The following FRMPD4 variants were observed in gnomAD, a reference collection of about 807,000 sequenced individuals.
The protein encoded by FRMPD4 is FERM and PDZ domain containing 4.
FRMPD4 carries 22 observed loss-of-function variants against 94.1 expected under a neutral mutation model. The ratio of observed to expected loss-of-function variants is 0.23; its 90% CI spans 0.17 to 0.33. The LOEUF is 0.33. Ranked by LOEUF, FRMPD4 falls within the 10% of genes least tolerant of loss-of-function variation. FRMPD4 has a pLI of 1.00. For missense variants in FRMPD4, 1,111 were observed against 1,339.9 expected (o/e 0.83, Z 2.67); for synonymous variants, 631 against 548.6 (o/e 1.15, Z -2.10).
At chrX:12,648,303 C>T (rs1341720869) in intron 4 of FRMPD4, among the ~76,000 whole-genome samples, 1 of 111,883 alleles carries the variant, frequency 8.9e-6, no homozygotes, top group Non-Finnish European at 1.9e-5. Flanking sequence ...ATACTTTTCT[C>T]TAAGCAGACC....
At chrX:12,406,037 C>T (rs1449255101) in intron 1 of FRMPD4, among the ~76,000 whole-genome samples, 1 of 111,120 alleles carries the variant, frequency 9.0e-6, no homozygotes, top group Non-Finnish European at 1.9e-5. Context: ...CTCTTGCCCC[C>T]ACCCCAGACT....
At chrX:12,416,463 G>A (rs2056802186) in intron 1 of FRMPD4, among the ~76,000 whole-genome samples, 1 of 112,106 alleles carries the variant, frequency 8.9e-6, no homozygotes, top group African/African-American at 3.2e-5. Context: ...AAGGCAGGGA[G>A]CTACTTCTTA....
chrX:11,917,607 G>A (rs984570139), intron 3 of FRMPD4, among the ~76,000 whole-genome samples: 1 of 111,991 alleles, frequency 8.9e-6, no homozygotes, highest in African/African-American at 3.3e-5. Context: ...GATACAGCTG[G>A]AGGCTATTAT....
At chrX:12,026,448 A>G (rs1026948068) in intron 3 of FRMPD4, among the ~76,000 whole-genome samples, 5 of 111,523 alleles carry the variant, frequency 4.5e-5, no homozygotes, top group Admixed American at 2.9e-4. Flanking sequence ...TCTGAAAAGG[A>G]GATAATTGGT....
intron 4 of FRMPD4, among the ~76,000 whole-genome samples, chrX:12,642,113 G>A (rs898201672): frequency 3.6e-5 from 4 of 111,401 alleles, no homozygotes; most frequent in African/African-American, 1.3e-4. Context: ...GTAGGCATCC[G>A]CTGTGTGTTA....
chrX:12,413,338 CTGTT>C (rs968357518), intron 1 of FRMPD4, among the ~76,000 whole-genome samples: 5 of 112,253 alleles, frequency 4.5e-5, no homozygotes, highest in Non-Finnish European at 9.4e-5. Context: ...TCTTTATTGA[CTGTT>C]TGTTTTCTCT....
At chrX:12,586,594 A>G (rs1362759040) in intron 2 of FRMPD4, among the ~76,000 whole-genome samples, 6 of 112,470 alleles carry the variant, frequency 5.3e-5, no homozygotes, top group South Asian at 3.7e-4. Flanking sequence ...GCTCACTGCT[A>G]CACAAAAGTG....
At chrX:12,289,987 T>C (rs2054661106) in intron 1 of FRMPD4, among the ~76,000 whole-genome samples, 1 of 111,995 alleles carries the variant, frequency 8.9e-6, no homozygotes, top group Non-Finnish European at 1.9e-5. Flanking sequence ...TGGGAAATTC[T>C]ATTTTGAAAT....
chrX:12,721,182 A>C lies in FRMPD4; in HGVS notation c.4613A>C (p.Gln1538Pro). Residue 1538 changes from glutamine (Q) to proline (P), a missense_variant, in exon 17 of 17, where the codon CAA becomes CCA. This residue lies in a region of FRMPD4 where 551 missense variants were observed against 591.6 expected (regional missense o/e 0.93). Coordinates refer to ENST00000675598, the MANE Select transcript of FRMPD4 (RefSeq NM_001368397.1). Reference protein sequence around the residue: ...VSCLYRPQMTQAMPEPSSPCL... With the variant: ...VSCLYRPQMTPAMPEPSSPCL... Reference sequence around the variant, plus strand: ...TGCCTCTATAGACCACAGATGACTCAAGCCATGCCAGAACCAAGCAGCCCA... The same window carrying C: ...TGCCTCTATAGACCACAGATGACTCCAGCCATGCCAGAACCAAGCAGCCCA... 1.3e-6 allele frequency: 1 copy of C among 755,420 alleles called. No homozygotes were observed. The highest frequency in any genetic ancestry group is 6.7e-5 in the South Asian group (1 of 14,842). The allele number at this position is 755,420 out of a possible 1,213,427, so 62.3% of individuals were successfully genotyped here.
intron 1 of FRMPD4, among the ~76,000 whole-genome samples, chrX:12,177,760 A>G (rs1441786403): frequency 1.8e-5 from 2 of 112,236 alleles, no homozygotes; most frequent in East Asian, 2.8e-4. Context: ...ATAGCAGTGA[A>G]CAAAAGAGAT....
At chrX:12,056,766 T>A (rs953122398) in intron 3 of FRMPD4, among the ~76,000 whole-genome samples, 1 of 112,081 alleles carries the variant, frequency 8.9e-6, no homozygotes, top group African/African-American at 3.2e-5. Flanking sequence ...ACTTGTTCTT[T>A]GTAATGGCTA....
At chrX:12,661,769 G>A (rs746771893) in intron 4 of FRMPD4, among the ~76,000 whole-genome samples, 139 of 111,903 alleles carry the variant, frequency 1.2e-3, no homozygotes, top group Middle Eastern at 4.6e-3. Context: ...TGCCTGTTAG[G>A]AATTGATTCA....
chrX:11,863,507 G>C (rs1235289176), intron 1 of FRMPD4, among the ~76,000 whole-genome samples: 6 of 110,861 alleles, frequency 5.4e-5, no homozygotes, highest in Non-Finnish European at 1.1e-4. Flanking sequence ...GAGGTCTACA[G>C]CACCCCCTAG....
At chrX:12,467,183 CAA>C (rs34527820) in intron 1 of FRMPD4, among the ~76,000 whole-genome samples, 22 of 81,239 alleles carry the variant, frequency 2.7e-4, no homozygotes, top group African/African-American at 8.2e-4. Context: ...AATGTAGTCT[CAA>C]AAAAAAAAAA....
intron 5 of FRMPD4, among the ~76,000 whole-genome samples, chrX:12,679,091 A>G (rs757431107): frequency 8.9e-6 from 1 of 112,191 alleles, no homozygotes; most frequent in Non-Finnish European, 1.9e-5. Flanking sequence ...AGCCCAGACC[A>G]TATGTCATGC....
rs1340496915 is a variant in FRMPD4 at position 12,673,233 on chromosome X, A to G, written c.423-1630A>G. On this transcript the variant is annotated intron_variant, in intron 4 of 16. Transcript: ENST00000675598. ...ACCACGCTCACACATTCTTTGGTCA[A>G]TGGGGTTATAGAGCATTTCTTATCT... 4.5e-5 allele frequency among the ~76,000 whole-genome samples: 5 copies of G among 112,307 alleles called. No homozygotes were observed. The South Asian group carries it at 1.5e-3, about 34-fold the overall frequency.
At chrX:11,867,383 T>A (rs1438844930) in intron 2 of FRMPD4, among the ~76,000 whole-genome samples, 2 of 111,810 alleles carry the variant, frequency 1.8e-5, no homozygotes, top group African/African-American at 6.5e-5. Flanking sequence ...TTGTATTCAC[T>A]TAGTTACAGC....
intron 1 of FRMPD4, among the ~76,000 whole-genome samples, chrX:12,258,084 T>A (rs1224493079): frequency 1.8e-5 from 2 of 110,898 alleles, no homozygotes; most frequent in Non-Finnish European, 3.8e-5. Flanking sequence ...ATCCTCCCTA[T>A]CTTTGGCCTT....
chrX:12,305,701 G>A (rs932557875), intron 1 of FRMPD4, among the ~76,000 whole-genome samples: 5 of 98,726 alleles, frequency 5.1e-5, no homozygotes, highest in Non-Finnish European at 5.9e-5. Context: ...GGGACTACAG[G>A]CATGTACCAC....
Sources: allele counts gnomAD v4.1 joint callset (sites outside exome capture counted in the v4.1 genomes callset), GRCh38; gene constraint gnomAD v4.1.1; regional missense constraint gnomAD v4.1.1; transcripts MANE v1.5; gene names NCBI Gene and HGNC (gene_info 2026-07-23, HGNC 2026-07-21).